Variants in XRRA1 observed in about 807,000 individuals in gnomAD.
XRRA1 encodes X-ray radiation resistance-associated protein 1.
XRRA1 carries 69 observed loss-of-function variants against 80.2 expected under a neutral mutation model. The observed-to-expected ratio is 0.86, with a 90% CI of 0.71 to 1.05. The LOEUF (loss-of-function observed/expected upper bound fraction) is 1.05. XRRA1 is among the 50% of genes least tolerant of loss of function. The pLI, the probability that XRRA1 is intolerant of heterozygous loss-of-function variation, is 0.00. For missense variants in XRRA1, 967 were observed against 976.4 expected, an observed-to-expected ratio of 0.99 and a Z score of 0.13; for synonymous variants, 348 against 389.9, an observed-to-expected ratio of 0.89 and a Z score of 1.27.
At chr11:74,939,624 G>A (rs534413206) in intron 3 of XRRA1, among the ~76,000 whole-genome samples, 5 of 152,206 alleles carry the variant, frequency 3.3e-5, no homozygotes, top group Non-Finnish European at 7.4e-5. Flanking sequence ...CCCTAGTCCT[G>A]CAAACAACTA....
intron 14 of XRRA1, among the ~76,000 whole-genome samples, chr11:74,850,183 C>G (rs2039407654): frequency 6.6e-6 from 1 of 152,194 alleles, no homozygotes; most frequent in Non-Finnish European, 1.5e-5. Context: ...GTCAGTTCAC[C>G]TCTCTGAGTC....
chr11:74,923,885 T>C (rs1022528675), intron 7 of XRRA1, among the ~76,000 whole-genome samples: 2 of 152,138 alleles, frequency 1.3e-5, no homozygotes, highest in Non-Finnish European at 2.9e-5. Context: ...CTGTTACCCA[T>C]TGGTATGAAC....
At chr11:74,902,698 T>C (rs559038437) in intron 10 of XRRA1, among the ~76,000 whole-genome samples, 1 of 152,238 alleles carries the variant, frequency 6.6e-6, no homozygotes, top group African/African-American at 2.4e-5. Flanking sequence ...TCTCACTTAT[T>C]TGTGGGATCT....
intron 15 of XRRA1, 46 bp downstream of exon 15, chr11:74,848,068 CT>C (rs778539076): frequency 6.5e-7 from 1 of 1,539,896 alleles, no homozygotes; most frequent in South Asian, 1.2e-5. Context: ...GCACAGGAAC[CT>C]GTGGGAGCTA....
At chr11:74,848,553 C>T in intron 14 of XRRA1, 91 bp from the exon 15 acceptor site, 1 of 1,211,852 alleles carries the variant, frequency 8.3e-7, no homozygotes, top group Non-Finnish European at 1.1e-6. Context: ...TGTATAGCAG[C>T]CGGAGTGCTG....
chr11:74,851,866 T>C (rs2039950186), intron 13 of XRRA1, 123 bp downstream of exon 13: 2 of 803,810 alleles, frequency 2.5e-6, no homozygotes, highest in Admixed American at 2.1e-5. Flanking sequence ...CAATGTACCA[T>C]GAACCTTGTC....
intron 10 of XRRA1, among the ~76,000 whole-genome samples, chr11:74,874,252 AAAAAAAAAAAG>A (rs2045564690): frequency 1.3e-5 from 2 of 150,304 alleles, no homozygotes; most frequent in Non-Finnish European, 3.0e-5. Flanking sequence ...AAAAAAAAAA[AAAAAAAAAAAG>A]AAAGAAACTC....
chr11:74,875,919 A>G (rs915333686), intron 10 of XRRA1, among the ~76,000 whole-genome samples: 1 of 152,136 alleles, frequency 6.6e-6, no homozygotes, highest in Non-Finnish European at 1.5e-5. Flanking sequence ...CCTCAAACCT[A>G]AAGGATGGGA....
intron 18 of XRRA1, 195 bp downstream of exon 18, chr11:74,843,659 G>T: frequency 1.2e-6 from 1 of 824,190 alleles, no homozygotes. Context: ...CCTGGTTCAG[G>T]ACCTTAACAT....
chr11:74,841,262 G>A lies in XRRA1; in HGVS notation c.*1938C>T, dbSNP rs2036495522. 1 of 152,258 alleles carries A rather than the reference G, an allele frequency of 6.6e-6. No individual in the cohort carries two copies. Among genetic ancestry groups the A allele is most frequent in the East Asian group, 1.9e-4 (1 of 5,170 alleles). The allele number at this position is 152,258 out of a possible 1,614,324, so 9.4% of individuals were successfully genotyped here. On this transcript the variant is annotated 3_prime_UTR_variant, in exon 19 of 19. Coordinates refer to ENST00000684022, the MANE Select transcript of XRRA1 (RefSeq NM_001378157.1). ...TTTGAACTGGTATCTAAACATACCT[G>A]GTTATGAATTCTCAAAAGAGAAAGC...
At chr11:74,843,811 G>A (rs770203301) in intron 18 of XRRA1, 43 bp downstream of exon 18, 15 of 1,542,336 alleles carry the variant, frequency 9.7e-6, no homozygotes, top group African/African-American at 6.8e-5. Flanking sequence ...GCCAGCAGGC[G>A]TGAACTGGAT....
At chr11:74,884,359 G>T (rs141109912) in intron 10 of XRRA1, among the ~76,000 whole-genome samples, 105 of 152,274 alleles carry the variant, frequency 6.9e-4, no homozygotes, top group Admixed American at 5.2e-3. Flanking sequence ...TACAGTAAAG[G>T]AATGGGCAGT....
chr11:74,852,030 TCG>T lies in XRRA1; in HGVS notation c.1221_1222del (p.Cys407Ter). 6.2e-7 allele frequency: 1 copy of T among 1,613,912 alleles called. No individual in the cohort carries two copies. Among genetic ancestry groups the T allele is most frequent in the Non-Finnish European group, 8.5e-7 (1 of 1,179,848 alleles). ...CAGAGGGTTGTTATGAAAGACGAAC[TCG>T]CAGAGAGATGGGAAGAGAGCTACTG... On this transcript the variant is annotated stop_gained and frameshift_variant, in exon 13 of 19. Transcript: ENST00000684022. LOFTEE classifies it high-confidence loss of function.
chr11:74,873,659 C>G (rs569021300), intron 10 of XRRA1, among the ~76,000 whole-genome samples: 1 of 152,208 alleles, frequency 6.6e-6, no homozygotes, highest in Admixed American at 6.5e-5. Flanking sequence ...TGTGCCCCAA[C>G]TGAGGAAGCA....
chr11:74,844,343 C>G, intron 16 of XRRA1, 60 bp from the exon 17 acceptor site: 3 of 1,263,742 alleles, frequency 2.4e-6, no homozygotes, highest in Non-Finnish European at 3.4e-6. Flanking sequence ...CAGATGCCTC[C>G]CCTGATTGCT....
intron 10 of XRRA1, among the ~76,000 whole-genome samples, chr11:74,895,656 A>G (rs1246943404): frequency 6.6e-6 from 1 of 152,208 alleles, no homozygotes; most frequent in Non-Finnish European, 1.5e-5. Context: ...CACAGCAAGA[A>G]AAGTGTCTCC....
chr11:74,907,046 G>C, intron 9 of XRRA1, 99 bp downstream of exon 9: 1 of 1,505,760 alleles, frequency 6.6e-7, no homozygotes, highest in Non-Finnish European at 9.0e-7. Flanking sequence ...GTGGAGCTAG[G>C]CTTTAAACCC....
chr11:74,902,187 G>C (rs543245729), intron 10 of XRRA1, among the ~76,000 whole-genome samples: 53 of 152,312 alleles, frequency 3.5e-4, no homozygotes, highest in African/African-American at 1.2e-3. Flanking sequence ...CTGACCATCA[G>C]AGAAATGCAA....
intron 14 of XRRA1, among the ~76,000 whole-genome samples, chr11:74,848,685 C>T (rs1432182076): frequency 6.6e-6 from 1 of 152,154 alleles, no homozygotes; most frequent in African/African-American, 2.4e-5. Context: ...TAATTATCCC[C>T]AATTTTATAG....
Sources: allele counts gnomAD v4.1 joint callset (sites outside exome capture counted in the v4.1 genomes callset), GRCh38; gene constraint gnomAD v4.1.1; transcripts MANE v1.5; gene names NCBI Gene and HGNC (gene_info 2026-07-23, HGNC 2026-07-21).